The following TRPM3 variants were observed in gnomAD, a reference collection of about 807,000 sequenced individuals.
TRPM3 encodes transient receptor potential cation channel subfamily M member 3, also known as long transient receptor potential channel 3.
A neutral mutation model predicts 181.2 loss-of-function variants in TRPM3; 77 were observed. The ratio of observed to expected loss-of-function variants is 0.42; its 90% CI spans 0.35 to 0.51. The LOEUF (loss-of-function observed/expected upper bound fraction) is 0.51, where lower values mean the gene tolerates loss of function less well. Ranked by LOEUF, TRPM3 falls within the 20% of genes least tolerant of loss-of-function variation. The probability of loss-of-function intolerance (pLI) is 0.01; values close to 1 mark genes in which losing one functional copy is unlikely to be tolerated. For synonymous variants in TRPM3, 745 were observed against 796.4 expected (o/e 0.94, Z 1.09); for missense variants, 1,759 against 2,196.7 (o/e 0.80, Z 3.98).
rs192204910 is a variant in TRPM3 at position 71,232,216 on chromosome 9, C to G, written c.183+214437G>C. 1.9e-3 allele frequency among the ~76,000 whole-genome samples: 290 copies of G among 152,254 alleles called. 5 individuals carry two copies. Among genetic ancestry groups the G allele is most frequent in the Non-Finnish European group, 3.2e-4 (22 of 68,032 alleles). On this transcript the variant is annotated intron_variant, in intron 1 of 24. Transcript: ENST00000357533. ...TCTGAGCTTCCAATCTAGCAATGGG[C>G]TGGCACAAGCATTGTTTGTAACTAC...
At chr9:70,812,223 C>T (rs2092166062) in intron 6 of TRPM3, among the ~76,000 whole-genome samples, 1 of 152,190 alleles carries the variant, frequency 6.6e-6, no homozygotes, top group African/African-American at 2.4e-5. Context: ...TAGGATCAAG[C>T]TAGACTTTGA....
chr9:71,158,023 C>A (rs918988141), intron 1 of TRPM3, among the ~76,000 whole-genome samples: 3 of 152,096 alleles, frequency 2.0e-5, no homozygotes, highest in African/African-American at 7.2e-5. Flanking sequence ...TGGTAATGAA[C>A]TTTTCTTATC....
intron 1 of TRPM3, among the ~76,000 whole-genome samples, chr9:71,247,434 T>C (rs73469327): frequency 6.6e-6 from 1 of 150,402 alleles, no homozygotes; most frequent in Non-Finnish European, 1.5e-5. Flanking sequence ...CATTGCATAC[T>C]GAGTAAAGGA....
intron 1 of TRPM3, among the ~76,000 whole-genome samples, chr9:71,346,527 G>T (rs2091303195): frequency 6.6e-6 from 1 of 152,184 alleles, no homozygotes; most frequent in Non-Finnish European, 1.5e-5. Context: ...AAGGGAGCTA[G>T]TGTCACTAAC....
chr9:71,156,378 C>CAG (rs1456239427), intron 1 of TRPM3, among the ~76,000 whole-genome samples: 3 of 63,126 alleles, frequency 4.8e-5, no homozygotes, highest in Admixed American at 3.6e-4. Context: ...ATACTACAGA[C>CAG]ACACACACAC....
chr9:70,589,955 G>A (rs2057838825), intron 22 of TRPM3, among the ~76,000 whole-genome samples: 1 of 152,142 alleles, frequency 6.6e-6, no homozygotes, highest in Non-Finnish European at 1.5e-5. Context: ...GAGTGGGGAT[G>A]CTAACTAGTC....
intron 1 of TRPM3, among the ~76,000 whole-genome samples, chr9:70,974,992 CA>C (rs1238902974): frequency 6.6e-6 from 1 of 151,258 alleles, no homozygotes; most frequent in African/African-American, 2.4e-5. Flanking sequence ...CTCAGTCTCC[CA>C]AGTAGCTGGG....
rs200344575 is a variant in TRPM3 at position 71,003,767 on chromosome 9, CGTAAAA to C, written c.177+117405_177+117410del. Among the ~76,000 whole-genome samples, 743 of 151,860 alleles carry C rather than the reference CGTAAAA, an allele frequency of 4.9e-3. 18 individuals carry two copies. In the East Asian group the frequency reaches 0.077, roughly 16 times the overall value. On this transcript the variant is annotated intron_variant, in intron 1 of 25. Transcript: ENST00000677713. ...AAGAGCCCCCCGAAATCACTCCCCC[CGTAAAA>C]ATACAGCTAGAAAGTATTCCGGAAT... is the stretch of plus-strand genomic sequence containing the variant.
At chr9:70,626,720 G>A (rs2064694548) in intron 12 of TRPM3, among the ~76,000 whole-genome samples, 1 of 152,136 alleles carries the variant, frequency 6.6e-6, no homozygotes, top group African/African-American at 2.4e-5. Context: ...GCAGAACTGG[G>A]AAATTCATAG....
At chr9:71,170,839 C>A (rs1212576437) in intron 1 of TRPM3, among the ~76,000 whole-genome samples, 1 of 152,136 alleles carries the variant, frequency 6.6e-6, no homozygotes, top group African/African-American at 2.4e-5. Flanking sequence ...GAAAAAAGAA[C>A]AGGATAACAG....
intron 1 of TRPM3, among the ~76,000 whole-genome samples, chr9:71,178,094 C>A (rs1328587944): frequency 6.6e-6 from 1 of 151,854 alleles, no homozygotes; most frequent in Non-Finnish European, 1.5e-5. Flanking sequence ...TCATACAGTA[C>A]ACTGTAGATA....
chr9:71,417,644 A>G (rs893112825), intron 1 of TRPM3, among the ~76,000 whole-genome samples: 8 of 152,164 alleles, frequency 5.3e-5, no homozygotes, highest in African/African-American at 1.9e-4. Flanking sequence ...ATGGAAACAT[A>G]TCTGAGAAAG....
chr9:71,091,919 T>A (rs868256657), intron 1 of TRPM3, among the ~76,000 whole-genome samples: 2 of 152,298 alleles, frequency 1.3e-5, no homozygotes, highest in African/African-American at 4.8e-5. Context: ...TAAAATATCA[T>A]AATAGTCTTG....
chr9:71,365,538 G>A (rs2092307163), intron 1 of TRPM3, among the ~76,000 whole-genome samples: 2 of 152,192 alleles, frequency 1.3e-5, no homozygotes, highest in African/African-American at 4.8e-5. Flanking sequence ...TACGGATTAT[G>A]ATTTTAGAGA....
chr9:70,870,386 T>G (rs1235349098), intron 1 of TRPM3, among the ~76,000 whole-genome samples: 3 of 152,036 alleles, frequency 2.0e-5, no homozygotes, highest in Non-Finnish European at 4.4e-5. Flanking sequence ...AAGAACCAAA[T>G]GAAACATCAA....
chr9:70,841,133 G>C (rs1263382027), intron 5 of TRPM3, among the ~76,000 whole-genome samples: 7 of 152,162 alleles, frequency 4.6e-5, no homozygotes, highest in Middle Eastern at 3.4e-3. Context: ...ATTTGTTCTA[G>C]TGCAAAATCA....
At chr9:71,105,861 G>A (rs1319670704) in intron 1 of TRPM3, among the ~76,000 whole-genome samples, 2 of 152,198 alleles carry the variant, frequency 1.3e-5, no homozygotes, top group Admixed American at 1.3e-4. Flanking sequence ...TTGGGTGGTA[G>A]TGATTGTTGT....
chr9:71,069,094 C>T (rs1174817062), intron 1 of TRPM3, among the ~76,000 whole-genome samples: 2 of 152,160 alleles, frequency 1.3e-5, no homozygotes, highest in South Asian at 2.1e-4. Context: ...TGCAGAAAAA[C>T]ATATAGTTCT....
At chr9:71,343,811 G>A (rs1487244040) in intron 1 of TRPM3, among the ~76,000 whole-genome samples, 1 of 151,932 alleles carries the variant, frequency 6.6e-6, no homozygotes. Flanking sequence ...GGTCTGATGT[G>A]GGGAAAATAT....
Sources: allele counts gnomAD v4.1 joint callset (sites outside exome capture counted in the v4.1 genomes callset), GRCh38; gene constraint gnomAD v4.1.1; transcripts MANE v1.5; gene names NCBI Gene and HGNC (gene_info 2026-07-23, HGNC 2026-07-21).